Variants in EPRS1 observed in about 807,000 individuals in gnomAD.
EPRS1 encodes the protein glutamyl-prolyl-tRNA synthetase 1, also known as bifunctional glutamate/proline--tRNA ligase.
Under a neutral mutation model 188.3 loss-of-function variants are expected in EPRS1, and 107 were observed. That is an observed-to-expected ratio of 0.57 (90% CI 0.49 to 0.67). EPRS1 has a LOEUF of 0.67. Among genes scored for constraint, EPRS1 ranks in the 30% least tolerant of loss-of-function variants. The pLI, the probability that EPRS1 is intolerant of heterozygous loss-of-function variation, is 0.00. For missense variants in EPRS1, 1,577 were observed against 1,802.2 expected (o/e 0.88, Z 2.26); for synonymous variants, 596 against 593.1 (o/e 1.00, Z -0.07).
chr1:220,015,599 G>A (rs2102586237), intron 12 of EPRS1, among the ~76,000 whole-genome samples: 1 of 152,190 alleles, frequency 6.6e-6, no homozygotes, highest in Non-Finnish European at 1.5e-5. Context: ...TTCTAGACTG[G>A]AAGTCACATG....
At chr1:220,018,120 T>C (rs1018531872) in intron 12 of EPRS1, 1 of 1,323,646 alleles carries the variant, frequency 7.6e-7, no homozygotes, top group Non-Finnish European at 9.9e-7. Context: ...AAGCATTAAG[T>C]AATACCTTCT....
At position 219,999,880 on chromosome 1, in the gene EPRS1, G is replaced by T. The variant is rs563125559; in HGVS notation, c.2181+1258C>A. On this transcript the variant is annotated intron_variant, in intron 17 of 31. Transcript: ENST00000366923. Reference sequence around the variant, plus strand: ...AGTCCCAGCTACTTGGGAGGCTGAGGCAAGAAAATCGCTTGAAGCCAGGAG... The same window carrying T: ...AGTCCCAGCTACTTGGGAGGCTGAGTCAAGAAAATCGCTTGAAGCCAGGAG... Among the ~76,000 whole-genome samples, 4 of 152,254 alleles carry T rather than the reference G, an allele frequency of 2.6e-5. No homozygotes were observed. The East Asian group carries it at 7.7e-4, about 29-fold the overall frequency.
intron 17 of EPRS1, among the ~76,000 whole-genome samples, chr1:219,998,862 C>T (rs953485251): frequency 1.4e-5 from 2 of 146,052 alleles, no homozygotes; most frequent in Non-Finnish European, 3.0e-5. Flanking sequence ...ATTTAATTTG[C>T]AACATAAATC....
At chr1:219,988,358 G>C (rs1008835400) in intron 19 of EPRS1, among the ~76,000 whole-genome samples, 1 of 152,004 alleles carries the variant, frequency 6.6e-6, no homozygotes, top group Non-Finnish European at 1.5e-5. Flanking sequence ...TTAAAATACA[G>C]TCTGTTTAAG....
At chr1:220,030,245 C>A in intron 6 of EPRS1, 141 bp downstream of exon 6, 1 of 550,864 alleles carries the variant, frequency 1.8e-6, no homozygotes, top group Non-Finnish European at 3.1e-6. Flanking sequence ...ACTGTTAAAA[C>A]GTTTAGAATT....
intron 6 of EPRS1, among the ~76,000 whole-genome samples, chr1:220,027,589 C>CAAAAAAA (rs374947643): frequency 2.5e-5 from 2 of 78,538 alleles, no homozygotes; most frequent in Non-Finnish European, 4.6e-5. Context: ...GAGGCTATGT[C>CAAAAAAA]AAAAAAAAAA....
At chr1:220,036,196 C>T (rs1281945441) in intron 2 of EPRS1, among the ~76,000 whole-genome samples, 3 of 152,040 alleles carry the variant, frequency 2.0e-5, no homozygotes, top group Non-Finnish European at 4.4e-5. Flanking sequence ...CAAGACTCCA[C>T]CTCACAACAA....
At position 220,022,507 on chromosome 1, in the gene EPRS1, T is replaced by G; in HGVS notation, c.955A>C (p.Asn319His). ...TTCATTTCTTCCCACATTTGTAGAT[T>G]CTTCTCAATAGCTATAAAATGATAA... is the stretch of plus-strand genomic sequence containing the variant. The part of the protein sequence containing the change: ...SKHRKNPIEK[N>H]LQMWEEMKKG... The change falls in exon 9 of 32, where the codon AAT becomes CAT. Residue 319 changes from asparagine to histidine, a missense_variant. Asn to His is a moderately conservative substitution (Grantham distance 68). Transcript: ENST00000366923. 6.2e-7 allele frequency: 1 copy of G among 1,611,936 alleles called. No homozygotes were observed.
In EPRS1 at chr1:219,997,118, T is replaced by C. The variant is rs1661251736; in HGVS notation, c.2406A>G (p.Gly802=). The C allele has an allele frequency of 6.2e-7, 1 of 1,614,026 alleles. No individual in the cohort carries two copies. The highest frequency in any genetic ancestry group is 8.5e-7 in the Non-Finnish European group (1 of 1,180,006). ...KEKTGQEYKP[G]NPPAEIGQNI... ...TCTGTCCTATTTCAGCAGGAGGGTTTCCAGGTTTATATTCCTGGCCAGTTT... is the reference window on the plus strand; with the variant it reads ...TCTGTCCTATTTCAGCAGGAGGGTTCCCAGGTTTATATTCCTGGCCAGTTT... The change falls in exon 18 of 32, where the codon GGA becomes GGG. Residue 802 remains glycine, a synonymous_variant. Transcript: ENST00000366923.
Position 220,028,927 on chromosome 1 carries a change from C to T in EPRS1, c.623+1459G>A, listed in dbSNP as rs989889465. 8.8e-4 allele frequency among the ~76,000 whole-genome samples: 134 copies of T among 152,172 alleles called. 1 individual carries two copies. The highest frequency in any genetic ancestry group is 1.1e-3 in the Non-Finnish European group (74 of 67,998). ...AAAAAACTAAATACTGATTTATATTCCTGACCCCAAAACTGTCTCATGAGC... is the reference window on the plus strand; with the variant it reads ...AAAAAACTAAATACTGATTTATATTTCTGACCCCAAAACTGTCTCATGAGC... On this transcript the variant is annotated intron_variant, in intron 6 of 31. Coordinates refer to ENST00000366923, the MANE Select transcript of EPRS1 (RefSeq NM_004446.3).
In EPRS1 at chr1:219,971,784, C is replaced by CTA. The variant is rs202229562; in HGVS notation, c.4323+283_4323+284dup. 4.6e-4 allele frequency among the ~76,000 whole-genome samples: 27 copies of CTA among 58,520 alleles called. 1 individual carries two copies. Among genetic ancestry groups the CTA allele is most frequent in the Middle Eastern group, 0.014 (2 of 140 alleles). 38.4% of individuals were successfully genotyped at this position (58,520 alleles called of 152,430 possible). On this transcript the variant is annotated intron_variant, in intron 30 of 31. Coordinates refer to ENST00000366923, the MANE Select transcript of EPRS1 (RefSeq NM_004446.3). ...TAGAAAAGCCAGTAGAAAACAAAGA[C>CTA]TATATATATATACATATACACACAC...
At chr1:219,993,615 C>G (rs995430444) in intron 18 of EPRS1, among the ~76,000 whole-genome samples, 2 of 152,188 alleles carry the variant, frequency 1.3e-5, no homozygotes, top group Non-Finnish European at 2.9e-5. Flanking sequence ...TTTAACATGA[C>G]ATAGTAAAAT....
intron 8 of EPRS1, among the ~76,000 whole-genome samples, chr1:220,023,981 G>C (rs1049892867): frequency 6.6e-6 from 1 of 152,100 alleles, no homozygotes; most frequent in Non-Finnish European, 1.5e-5. Context: ...GTGAAACCCC[G>C]TCTCTACTAA....
chr1:220,031,040 C>T (rs1426136203), intron 5 of EPRS1, among the ~76,000 whole-genome samples: 1 of 150,940 alleles, frequency 6.6e-6, no homozygotes, highest in Non-Finnish European at 1.5e-5. Flanking sequence ...TGCAGTGAGC[C>T]GAGATCATGC....
chr1:219,998,298 A>C (rs539397899), intron 17 of EPRS1, among the ~76,000 whole-genome samples: 60 of 152,244 alleles, frequency 3.9e-4, no homozygotes, highest in African/African-American at 1.3e-3. Flanking sequence ...GACACTTAAC[A>C]GGCATCTCAA....
intron 2 of EPRS1, among the ~76,000 whole-genome samples, chr1:220,037,136 T>C (rs1662197984): frequency 1.3e-5 from 2 of 151,912 alleles, no homozygotes; most frequent in African/African-American, 4.8e-5. Context: ...GATGCTGTAG[T>C]GTGCTATAAT....
intron 18 of EPRS1, among the ~76,000 whole-genome samples, chr1:219,991,353 T>G (rs1208395399): frequency 6.6e-6 from 1 of 152,152 alleles, no homozygotes; most frequent in Non-Finnish European, 1.5e-5. Flanking sequence ...TTCAAACTTG[T>G]TTTTTCCAAT....
chr1:220,003,924 G>A (rs1427444784), intron 16 of EPRS1, among the ~76,000 whole-genome samples: 3 of 152,178 alleles, frequency 2.0e-5, no homozygotes, highest in Admixed American at 2.0e-4. Context: ...TAAAAAGAAG[G>A]GATCAGGGCG....
Position 220,028,469 on chromosome 1 carries a change from A to G in EPRS1, c.623+1917T>C, listed in dbSNP as rs72747315. Among the ~76,000 whole-genome samples the G allele has an allele frequency of 1.5e-3, 6 of 3,904 alleles. No homozygotes were observed. The African/African-American group carries it at 0.048, about 31-fold the overall frequency. 2.6% of individuals were successfully genotyped at this position (3,904 alleles called of 152,430 possible). On this transcript the variant is annotated intron_variant, in intron 6 of 31. Transcript: ENST00000366923. ...ATCGCTAAAACACACACACACGCGC[A>G]CACACACACACACACAAAAGAATCA...
Sources: allele counts gnomAD v4.1 joint callset (sites outside exome capture counted in the v4.1 genomes callset), GRCh38; gene constraint gnomAD v4.1.1; transcripts MANE v1.5; gene names NCBI Gene and HGNC (gene_info 2026-07-23, HGNC 2026-07-21).